The following NUP188 variants were observed in gnomAD, a reference collection of about 807,000 sequenced individuals.
NUP188 encodes the protein nucleoporin NUP188.
Under a neutral mutation model 223.0 loss-of-function variants are expected in NUP188, and 97 were observed. The observed-to-expected ratio is 0.43, with a 90% CI of 0.37 to 0.51. NUP188 has a LOEUF of 0.51. Ranked by LOEUF, NUP188 falls within the 20% of genes least tolerant of loss-of-function variation. NUP188 has a pLI of 0.00. For missense variants in NUP188, 1,947 were observed against 2,175.6 expected, an observed-to-expected ratio of 0.89 and a Z score of 2.09; for synonymous variants, 869 against 828.0, an observed-to-expected ratio of 1.05 and a Z score of -0.85.
chr9:128,973,119 G>A, intron 11 of NUP188, 41 bp from the exon 12 acceptor site: 1 of 1,296,616 alleles, frequency 7.7e-7, no homozygotes, highest in Non-Finnish European at 1.1e-6. Context: ...GGGAAGAGTT[G>A]TATTACTCAG....
At chr9:128,960,865 G>C (rs190844641) in intron 8 of NUP188, among the ~76,000 whole-genome samples, 1 of 151,888 alleles carries the variant, frequency 6.6e-6, no homozygotes, top group Non-Finnish European at 1.5e-5. Flanking sequence ...TGGGCGGATC[G>C]CTTGAGGTCA....
At chr9:128,982,776 A>G in intron 16 of NUP188, 75 bp downstream of exon 16, 5 of 1,588,520 alleles carry the variant, frequency 3.1e-6, no homozygotes, top group Non-Finnish European at 4.3e-6. Context: ...AAAATAGAAT[A>G]TCTACATAAA....
intron 3 of NUP188, among the ~76,000 whole-genome samples, chr9:128,954,532 C>A (rs1224780594): frequency 6.6e-6 from 1 of 151,896 alleles, no homozygotes; most frequent in Non-Finnish European, 1.5e-5. Context: ...CTACAGGCGC[C>A]CGCCACCACG....
Position 128,993,874 on chromosome 9 carries a change from T to C in NUP188, c.3017+180T>C, listed in dbSNP as rs542036489. Reference sequence around the variant, plus strand: ...AATGCTGCTGCAAGTATTAAGGATCTTTAAATATTAAGCACCTGGAAGGTT... The same window carrying C: ...AATGCTGCTGCAAGTATTAAGGATCCTTAAATATTAAGCACCTGGAAGGTT... On this transcript the variant is annotated intron_variant, in intron 27 of 43. Transcript: ENST00000372577. 1.2e-4 allele frequency among the ~76,000 whole-genome samples: 18 copies of C among 152,344 alleles called. No individual in the cohort carries two copies. The South Asian group carries it at 3.7e-3, about 32-fold the overall frequency.
intron 20 of NUP188, among the ~76,000 whole-genome samples, chr9:128,986,173 A>G (rs927095558): frequency 3.3e-5 from 5 of 152,154 alleles, no homozygotes; most frequent in African/African-American, 1.2e-4. Flanking sequence ...TGCATATCAG[A>G]TCTCCTTTCT....
At chr9:128,955,921 C>T (rs1025239949) in intron 3 of NUP188, among the ~76,000 whole-genome samples, 1 of 151,300 alleles carries the variant, frequency 6.6e-6, no homozygotes, top group African/African-American at 2.4e-5. Context: ...TGTATGTATG[C>T]CACAGACCTG....
At position 129,002,851 on chromosome 9, in the gene NUP188, C is replaced by T. The variant is rs764470697; in HGVS notation, c.4172C>T (p.Pro1391Leu). ...PSASRKSLDA[P>L]SWPGVYRLSM... ...GCCTCTCGGAAGTCCCTGGATGCCC[C>T]CTCTTGGCCAGGAGTCTACCGCCTG... is the stretch of plus-strand genomic sequence containing the variant. The change falls in exon 37 of 44, where the codon CCC (proline) becomes CTC (leucine). Residue 1391 changes from proline (P) to leucine (L), a missense_variant. Around this residue, in one of 3 missense-constraint regions of NUP188, gnomAD observed 905 missense variants for 990.6 expected, o/e 0.91. Transcript: ENST00000372577. The T allele has an allele frequency of 6.2e-7, 1 of 1,614,194 alleles. No homozygotes were observed. The highest frequency in any genetic ancestry group is 1.1e-5 in the South Asian group (1 of 91,080).
chr9:128,994,409 T>G lies in NUP188; in HGVS notation c.3054T>G (p.Phe1018Leu). 6.2e-7 allele frequency: 1 copy of G among 1,613,806 alleles called. No homozygotes were observed. The highest frequency in any genetic ancestry group is 8.5e-7 in the Non-Finnish European group (1 of 1,179,712). ...GGGAAAATTTAACCAGTCCGCTGTT[T>G]GGAACCCTTTCTCCTCCCTCTGAAA... ...KFWENLTSPL[F>L]GTLSPPSETS... The change falls in exon 28 of 44, where the codon TTT becomes TTG. Residue 1018 changes from phenylalanine (F) to leucine (L), a missense_variant. Transcript: ENST00000372577.
rs201402592 is a variant in NUP188, at chr9:128,999,798, G to A, written c.3836G>A (p.Arg1279His). 127 of 1,614,156 alleles carry A rather than the reference G, an allele frequency of 7.9e-5. 1 individual carries two copies. The East Asian group carries it at 2.6e-3, about 33-fold the overall frequency. Residue 1279 changes from arginine to histidine, a missense_variant, in exon 34 of 44, where the codon CGT (arginine) becomes CAT (histidine). Coordinates refer to ENST00000372577, the MANE Select transcript of NUP188 (RefSeq NM_015354.3). ...DCSRSRHRDQ[R>H]DGVCVLGLHL... ...TCTCGGTCCCGGCACAGGGACCAGC[G>A]TGATGGGGTGAGACAGTGCCCTAGA...
chr9:128,966,246 G>C (rs1842027753), intron 8 of NUP188, among the ~76,000 whole-genome samples: 1 of 133,092 alleles, frequency 7.5e-6, no homozygotes, highest in Non-Finnish European at 1.6e-5. Context: ...TTCTGTCTCT[G>C]TCTGTCTCTG....
chr9:128,992,150 C>T (rs1032362176), intron 25 of NUP188, among the ~76,000 whole-genome samples: 2 of 151,982 alleles, frequency 1.3e-5, no homozygotes, highest in Admixed American at 6.6e-5. Flanking sequence ...GCCCGCTTGG[C>T]CTCCCAAAGT....
chr9:128,979,308 CG>C lies in NUP188; in HGVS notation c.1252del (p.Glu418AsnfsTer68), dbSNP rs747762992. On this transcript the variant is annotated frameshift_variant, in exon 13 of 44. Transcript: ENST00000372577. LOFTEE classifies it high-confidence loss of function. Reference sequence around the variant, plus strand: ...GAAGTATTGGCCGACCCTTCTCTTCCGGAACTGTTCTGGGGAACAGTAAGTA... The same window carrying C: ...GAAGTATTGGCCGACCCTTCTCTTCCGAACTGTTCTGGGGAACAGTAAGTA... ...ACEVLADPSL[P>X]ELFWGTEPTS... 5.0e-6 allele frequency: 8 copies of C among 1,611,832 alleles called. No individual in the cohort carries two copies. Among genetic ancestry groups the C allele is most frequent in the Non-Finnish European group, 6.8e-6 (8 of 1,178,368 alleles).
intron 12 of NUP188, among the ~76,000 whole-genome samples, chr9:128,977,033 G>A (rs995149193): frequency 3.3e-5 from 5 of 151,596 alleles, no homozygotes; most frequent in South Asian, 2.1e-4. Context: ...AGATGGCGTC[G>A]CTGCACTCCA....
At chr9:128,973,393 T>C (rs1005868679) in intron 12 of NUP188, 144 bp downstream of exon 12, 6 of 603,916 alleles carry the variant, frequency 9.9e-6, no homozygotes, top group Non-Finnish European at 1.4e-5. Context: ...ACTTTTTTCT[T>C]TTTTTTTGAG....
intron 2 of NUP188, among the ~76,000 whole-genome samples, chr9:128,950,702 A>C (rs1047054454): frequency 2.6e-5 from 4 of 152,122 alleles, no homozygotes; most frequent in Admixed American, 6.6e-5. Flanking sequence ...AAAATTAGCC[A>C]GGCATGGTGG....
intron 11 of NUP188, among the ~76,000 whole-genome samples, chr9:128,972,305 A>G (rs1462152260): frequency 6.6e-6 from 1 of 152,242 alleles, no homozygotes; most frequent in Non-Finnish European, 1.5e-5. Context: ...TGGAGAAGAC[A>G]TTAAATGCAT....
At chr9:128,986,950 C>G (rs1224978521) in intron 22 of NUP188, 75 bp downstream of exon 22, 8 of 1,318,420 alleles carry the variant, frequency 6.1e-6, no homozygotes, top group South Asian at 1.2e-5. Context: ...AAAGCCGTCT[C>G]AGTTCTTCCA....
At chr9:128,996,718 C>A (rs1281838276) in intron 30 of NUP188, among the ~76,000 whole-genome samples, 3 of 152,106 alleles carry the variant, frequency 2.0e-5, no homozygotes, top group Non-Finnish European at 4.4e-5. Flanking sequence ...GCCTTTTAGG[C>A]CCTAGTTAGG....
rs1430238438 is a variant in NUP188 at position 129,006,794 on chromosome 9, C to T, written c.*116C>T. ...ATGGAGGGCACCTCCTGTCACCCCCCTCCCGGAGTAGCCACGACTCCAGCC... is the reference window on the plus strand; with the variant it reads ...ATGGAGGGCACCTCCTGTCACCCCCTTCCCGGAGTAGCCACGACTCCAGCC... On this transcript the variant is annotated 3_prime_UTR_variant, in exon 44 of 44. Coordinates refer to ENST00000372577, the MANE Select transcript of NUP188 (RefSeq NM_015354.3). 3 of 1,114,466 alleles carry T rather than the reference C, an allele frequency of 2.7e-6. No individual in the cohort carries two copies. The highest frequency in any genetic ancestry group is 5.1e-5 in the East Asian group (2 of 39,128). The allele number at this position is 1,114,466 out of a possible 1,614,324, so 69.0% of individuals were successfully genotyped here. A position where few individuals can be genotyped will look rare whatever the true frequency, so the allele number is the denominator to read the frequency against.
Sources: gnomAD v4.1 joint callset for allele counts (sites outside exome capture counted in the v4.1 genomes callset) on GRCh38, gnomAD v4.1.1 for gene constraint, gnomAD v4.1.1 regional missense constraint, MANE v1.5 for transcripts, NCBI Gene and HGNC (gene_info 2026-07-23, HGNC 2026-07-21) for gene names.